Variants in TMEM184C observed in about 807,000 individuals in gnomAD.
TMEM184C encodes the protein transmembrane protein 34.
Under a neutral mutation model 54.5 loss-of-function variants are expected in TMEM184C, and 25 were observed. The ratio of observed to expected loss-of-function variants is 0.46; its 90% CI spans 0.33 to 0.64. TMEM184C has a LOEUF of 0.64. Ranked by LOEUF, TMEM184C falls within the 30% of genes least tolerant of loss-of-function variation. The probability of loss-of-function intolerance (pLI) is 0.02; values close to 1 mark genes in which losing one functional copy is unlikely to be tolerated. For synonymous variants in TMEM184C, 148 were observed against 181.5 expected, an observed-to-expected ratio of 0.82 and a Z score of 1.49; for missense variants, 335 against 520.3, an observed-to-expected ratio of 0.64 and a Z score of 3.46.
At chr4:147,621,041 G>A (rs1273760705) in intron 1 of TMEM184C, among the ~76,000 whole-genome samples, 2 of 152,170 alleles carry the variant, frequency 1.3e-5, no homozygotes, top group African/African-American at 4.8e-5. Flanking sequence ...CCATGGTGGG[G>A]CATATACCCA....
In TMEM184C at chr4:147,628,428, G is replaced by A. The variant is rs1056354158; in HGVS notation, c.565G>A (p.Val189Ile). Residue 189 changes from valine (V) to isoleucine (I), a missense_variant, in exon 5 of 10, where the codon GTT becomes ATT. Physicochemically the swap from Val to Ile is conservative, Grantham distance 29. Transcript: ENST00000296582. ...AGTTGTCAGACCTTTCACCACCATC[G>A]TTGCTTTGTAAGTACTCGGATTTTA... Reference protein sequence around the residue: ...YTVVRPFTTIVALICELLGIY... With the variant: ...YTVVRPFTTIIALICELLGIY... The A allele has an allele frequency of 5.2e-5, 84 of 1,613,226 alleles. No homozygotes were observed. Among genetic ancestry groups the A allele is most frequent in the Non-Finnish European group, 6.6e-5 (78 of 1,179,766 alleles).
intron 6 of TMEM184C, among the ~76,000 whole-genome samples, 159 bp from the exon 7 acceptor site, chr4:147,631,234 T>C (rs1317804270): frequency 6.6e-6 from 1 of 152,188 alleles, no homozygotes; most frequent in Non-Finnish European, 1.5e-5. Context: ...TATTCATCTA[T>C]AGTAAACTAT....
chr4:147,635,296 A>AGAG lies in TMEM184C; in HGVS notation c.*864_*866dup, dbSNP rs1314405321. The AGAG allele has an allele frequency of 4.6e-5, 7 of 152,202 alleles. No individual in the cohort carries two copies. Among genetic ancestry groups the AGAG allele is most frequent in the Admixed American group, 2.6e-4 (4 of 15,280 alleles). The allele number at this position is 152,202 out of a possible 1,614,324, so 9.4% of individuals were successfully genotyped here. A position where few individuals can be genotyped will look rare whatever the true frequency, so the allele number is the denominator to read the frequency against. ...ATATTTTAACAAAAATTTCTTGATT[A>AGAG]GAGGCACAGTGAAAAAGAAGTCAAA... On this transcript the variant is annotated 3_prime_UTR_variant, in exon 10 of 10. Transcript: ENST00000296582.
chr4:147,622,941 T>G (rs1041923954), intron 1 of TMEM184C, among the ~76,000 whole-genome samples: 3 of 152,066 alleles, frequency 2.0e-5, no homozygotes, highest in African/African-American at 7.2e-5. Context: ...TTATTTTTTG[T>G]AGAGATGGCA....
Position 147,629,705 on chromosome 4 carries a change from T to C in TMEM184C, c.666+13T>C. The C allele has an allele frequency of 6.5e-7, 1 of 1,543,154 alleles. No homozygotes were observed. Among genetic ancestry groups the C allele is most frequent in the Non-Finnish European group, 8.7e-7 (1 of 1,145,212 alleles). On this transcript the variant is annotated intron_variant, in intron 6 of 9. Transcript: ENST00000296582. ...CATGTCACAGTTGGTAAGTAAAATG[T>C]TCACTTTTCTTAAACTGTACTAAAT...
At chr4:147,631,195 T>C (rs971369844) in intron 6 of TMEM184C, among the ~76,000 whole-genome samples, 198 bp from the exon 7 acceptor site, 2 of 152,136 alleles carry the variant, frequency 1.3e-5, no homozygotes, top group South Asian at 4.1e-4. Context: ...CTTAAAAACA[T>C]TTTTACGGAA....
intron 4 of TMEM184C, among the ~76,000 whole-genome samples, chr4:147,626,271 G>GAAGAA (rs1390115647): frequency 2.6e-5 from 4 of 152,106 alleles, no homozygotes. Context: ...TTTGGGGCAG[G>GAAGAA]GCTATTTCTA....
chr4:147,629,851 AAT>A (rs1336995690), intron 6 of TMEM184C, among the ~76,000 whole-genome samples, 159 bp downstream of exon 6: 2 of 151,570 alleles, frequency 1.3e-5, no homozygotes, highest in African/African-American at 4.8e-5. Context: ...AAAAAAATTT[AAT>A]ATATATCTTA....
At chr4:147,622,747 C>T (rs557415903) in intron 1 of TMEM184C, among the ~76,000 whole-genome samples, 1 of 152,170 alleles carries the variant, frequency 6.6e-6, no homozygotes, top group African/African-American at 2.4e-5. Flanking sequence ...ATCAGTAAGA[C>T]TTTGTATTAG....
intron 5 of TMEM184C, among the ~76,000 whole-genome samples, chr4:147,628,816 C>CT (rs1470499512): frequency 2.0e-5 from 3 of 152,110 alleles, no homozygotes; most frequent in African/African-American, 7.2e-5. Flanking sequence ...TAGAAGTACT[C>CT]TAAGAAAGAA....
At chr4:147,627,956 A>T (rs563293069) in intron 4 of TMEM184C, among the ~76,000 whole-genome samples, 1 of 150,962 alleles carries the variant, frequency 6.6e-6, no homozygotes, top group South Asian at 2.1e-4. Context: ...TGAGCCCAGG[A>T]GGTCAAGAGT....
At position 147,617,844 on chromosome 4, in the gene TMEM184C, C is replaced by T. The variant is rs979570595; in HGVS notation, c.-113C>T. Reference sequence around the variant, plus strand: ...TCGAGCTGTTCGTAAAGTCGCCCGACAGCTTTTTCTCCGTAGTATGCGAGT... The same window carrying T: ...TCGAGCTGTTCGTAAAGTCGCCCGATAGCTTTTTCTCCGTAGTATGCGAGT... On this transcript the variant is annotated 5_prime_UTR_variant, in exon 1 of 10. Coordinates refer to ENST00000296582, the MANE Select transcript of TMEM184C (RefSeq NM_018241.3). 10 of 1,504,756 alleles carry T rather than the reference C, an allele frequency of 6.6e-6. No individual in the cohort carries two copies. The highest frequency in any genetic ancestry group is 9.2e-6 in the Non-Finnish European group (10 of 1,092,554). The allele number at this position is 1,504,756 out of a possible 1,614,324, so 93.2% of individuals were successfully genotyped here.
At chr4:147,625,139 C>T (rs779622150) in intron 4 of TMEM184C, 130 bp downstream of exon 4, 275 of 811,060 alleles carry the variant, frequency 3.4e-4, no homozygotes, top group Non-Finnish European at 5.2e-4. Flanking sequence ...AAGACAGCTC[C>T]TGATGCAGTT....
chr4:147,628,023 G>A (rs1732846119), intron 4 of TMEM184C, among the ~76,000 whole-genome samples: 1 of 152,036 alleles, frequency 6.6e-6, no homozygotes, highest in South Asian at 2.1e-4. Flanking sequence ...GCCAGGTGTG[G>A]TGGTATGCAG....
At chr4:147,632,655 G>T in intron 7 of TMEM184C, 1 of 400,074 alleles carries the variant, frequency 2.5e-6, no homozygotes, top group East Asian at 3.8e-5. Context: ...TTTACCTGGG[G>T]CCATTATCTC....
chr4:147,631,588 T>C, intron 7 of TMEM184C, 83 bp downstream of exon 7: 1 of 953,780 alleles, frequency 1.0e-6, no homozygotes, highest in East Asian at 2.5e-5. Context: ...TAAACAGTCT[T>C]AATGCGGAAG....
chr4:147,626,487 TAG>T (rs2126550727), intron 4 of TMEM184C, among the ~76,000 whole-genome samples: 1 of 152,234 alleles, frequency 6.6e-6, no homozygotes, highest in South Asian at 2.1e-4. Flanking sequence ...TAAATGGAGG[TAG>T]AGTGATCAGT....
chr4:147,627,093 A>C (rs1179724895), intron 4 of TMEM184C, among the ~76,000 whole-genome samples: 1 of 152,192 alleles, frequency 6.6e-6, no homozygotes, highest in Non-Finnish European at 1.5e-5. Flanking sequence ...TCAGATATCA[A>C]AGGGGGCTGG....
chr4:147,619,359 A>C (rs1023459908), intron 1 of TMEM184C, among the ~76,000 whole-genome samples: 9 of 151,426 alleles, frequency 5.9e-5, no homozygotes, highest in African/African-American at 2.2e-4. Context: ...CACCACACCC[A>C]ACTAATTTTT....
Sources: gnomAD v4.1 joint callset for allele counts (sites outside exome capture counted in the v4.1 genomes callset) on GRCh38, gnomAD v4.1.1 for gene constraint, MANE v1.5 for transcripts, NCBI Gene and HGNC (gene_info 2026-07-23, HGNC 2026-07-21) for gene names.